The following PHF20 variants were observed in gnomAD, a reference collection of about 807,000 sequenced individuals.
The protein encoded by PHF20 is glioma-expressed antigen 2.
PHF20 carries 23 observed loss-of-function variants against 113.5 expected under a neutral mutation model. That is an observed-to-expected ratio of 0.20 (90% CI 0.15 to 0.29). The LOEUF is 0.29. PHF20 is among the 10% of genes least tolerant of loss of function. The pLI is 1.00. For missense variants in PHF20, 943 were observed against 1,219.6 expected, an observed-to-expected ratio of 0.77 and a Z score of 3.38; for synonymous variants, 434 against 457.3, an observed-to-expected ratio of 0.95 and a Z score of 0.65.
Position 35,947,681 on chromosome 20 carries a change from G to A in PHF20, c.*54G>A, listed in dbSNP as rs1181484427. The A allele has an allele frequency of 1.3e-6, 2 of 1,561,228 alleles. No homozygotes were observed. The highest frequency in any genetic ancestry group is 1.8e-6 in the Non-Finnish European group (2 of 1,139,732). On this transcript the variant is annotated 3_prime_UTR_variant, in exon 18 of 18. Transcript: ENST00000374012. ...CAATCCTGGGGCACCTGCAGGAGGA[G>A]CTTCGCATATTTAAATAAATAAACC...
chr20:35,786,071 G>A (rs915025599), intron 1 of PHF20, among the ~76,000 whole-genome samples: 2 of 150,544 alleles, frequency 1.3e-5, no homozygotes, highest in Non-Finnish European at 3.0e-5. Context: ...ATCTTGTAAG[G>A]ATAGCTGGTC....
intron 2 of PHF20, among the ~76,000 whole-genome samples, chr20:35,829,718 T>A (rs2042325301): frequency 6.6e-6 from 1 of 151,394 alleles, no homozygotes; most frequent in African/African-American, 2.4e-5. Context: ...GCCTTAGCCG[T>A]GCGCCATGGC....
At chr20:35,875,404 G>GAAA (rs112530486) in intron 9 of PHF20, among the ~76,000 whole-genome samples, 3 of 144,152 alleles carry the variant, frequency 2.1e-5, no homozygotes, top group African/African-American at 5.0e-5. Flanking sequence ...TCTCAAAAAA[G>GAAA]AAAAAAAAAA....
At chr20:35,905,139 T>C (rs1016216999) in intron 10 of PHF20, among the ~76,000 whole-genome samples, 2 of 152,130 alleles carry the variant, frequency 1.3e-5, no homozygotes, top group Non-Finnish European at 2.9e-5. Flanking sequence ...TCCTCATTTC[T>C]AAAGTGATGA....
At chr20:35,784,245 G>C (rs913252691) in intron 1 of PHF20, among the ~76,000 whole-genome samples, 1 of 151,394 alleles carries the variant, frequency 6.6e-6, no homozygotes, top group African/African-American at 2.4e-5. Flanking sequence ...GTAGAGATGG[G>C]GTTTCACCAT....
chr20:35,876,744 G>T (rs2054530147), intron 9 of PHF20, among the ~76,000 whole-genome samples: 1 of 151,542 alleles, frequency 6.6e-6, no homozygotes, highest in Non-Finnish European at 1.5e-5. Context: ...GCCAAGACGG[G>T]CAGATCACCT....
intron 9 of PHF20, among the ~76,000 whole-genome samples, chr20:35,880,821 G>A (rs1019974941): frequency 1.1e-4 from 16 of 151,960 alleles, no homozygotes; most frequent in Non-Finnish European, 1.8e-4. Flanking sequence ...TTAGTCAGGC[G>A]TGATGGCACA....
chr20:35,826,497 G>T (rs1206795953), intron 2 of PHF20, among the ~76,000 whole-genome samples: 3 of 152,022 alleles, frequency 2.0e-5, no homozygotes, highest in Non-Finnish European at 2.9e-5. Flanking sequence ...GTAATTTGAG[G>T]GCATATGCAA....
intron 9 of PHF20, among the ~76,000 whole-genome samples, chr20:35,898,404 T>C (rs916473388): frequency 1.3e-5 from 2 of 152,182 alleles, no homozygotes; most frequent in Non-Finnish European, 2.9e-5. Flanking sequence ...TCATAAGTGC[T>C]AGCTTGAGAT....
At chr20:35,814,896 T>TAA (rs980960617) in intron 2 of PHF20, among the ~76,000 whole-genome samples, 3 of 135,340 alleles carry the variant, frequency 2.2e-5, no homozygotes, top group Non-Finnish European at 3.2e-5. Flanking sequence ...AAAAATAAAA[T>TAA]AAATAAATAA....
At chr20:35,872,024 TTATC>T (rs1283788486) in intron 9 of PHF20, 195 bp downstream of exon 9, 2 of 382,292 alleles carry the variant, frequency 5.2e-6, no homozygotes, top group Non-Finnish European at 9.2e-6. Context: ...GACTAGGGCT[TTATC>T]TATTTTGTTT....
intron 2 of PHF20, among the ~76,000 whole-genome samples, chr20:35,835,245 A>C (rs1047825707): frequency 6.6e-6 from 1 of 152,144 alleles, no homozygotes; most frequent in African/African-American, 2.4e-5. Flanking sequence ...ACTGCACTCC[A>C]GTCTGGGCGA....
intron 2 of PHF20, among the ~76,000 whole-genome samples, chr20:35,811,445 C>CTTT (rs1392193315): frequency 7.2e-6 from 1 of 139,832 alleles, no homozygotes; most frequent in Admixed American, 7.2e-5. Flanking sequence ...TAAGTCCCAG[C>CTTT]TTTTTTTTTT....
intron 17 of PHF20, among the ~76,000 whole-genome samples, chr20:35,945,875 A>C (rs912181808): frequency 2.6e-5 from 4 of 152,198 alleles, no homozygotes; most frequent in African/African-American, 9.7e-5. Flanking sequence ...CTTACATTAA[A>C]TATTTAAAGG....
At chr20:35,779,104 C>T (rs1212136441) in intron 1 of PHF20, among the ~76,000 whole-genome samples, 1 of 151,494 alleles carries the variant, frequency 6.6e-6, no homozygotes, top group Non-Finnish European at 1.5e-5. Flanking sequence ...GGTGCAATCT[C>T]GGCTCACTGC....
intron 2 of PHF20, among the ~76,000 whole-genome samples, chr20:35,803,607 G>A (rs1333422024): frequency 6.6e-6 from 1 of 151,716 alleles, no homozygotes; most frequent in Non-Finnish European, 1.5e-5. Flanking sequence ...TTACAGGCGT[G>A]AGCCACCAAG....
chr20:35,780,330 A>C (rs1464944241), intron 1 of PHF20, among the ~76,000 whole-genome samples: 1 of 143,706 alleles, frequency 7.0e-6, no homozygotes, highest in Non-Finnish European at 1.5e-5. Context: ...GGTTTACGCC[A>C]TTCTCCTGCC....
chr20:35,791,467 ATCTATCTATCTATCTATCT>A (rs1434249196), intron 1 of PHF20, among the ~76,000 whole-genome samples: 2 of 133,098 alleles, frequency 1.5e-5, no homozygotes, highest in Non-Finnish European at 3.2e-5. Flanking sequence ...CTATCTATCT[ATCTATCTATCTATCTATCT>A]ATCTATCTAT....
intron 13 of PHF20, among the ~76,000 whole-genome samples, chr20:35,923,076 CTG>C (rs1321011309): frequency 6.0e-4 from 91 of 152,340 alleles, no homozygotes; most frequent in African/African-American, 2.0e-3. Context: ...GATTGTACCA[CTG>C]CACTACAACC....
Sources: gnomAD v4.1 joint callset for allele counts (sites outside exome capture counted in the v4.1 genomes callset) on GRCh38, gnomAD v4.1.1 for gene constraint, MANE v1.5 for transcripts, NCBI Gene and HGNC (gene_info 2026-07-23, HGNC 2026-07-21) for gene names.